The following KCNIP4 variants were observed in gnomAD, a reference collection of about 807,000 sequenced individuals.
The protein encoded by KCNIP4 is potassium voltage-gated channel interacting protein 4.
Under a neutral mutation model 34.0 loss-of-function variants are expected in KCNIP4, and 12 were observed. That is an observed-to-expected ratio of 0.35 (90% CI 0.23 to 0.57). The LOEUF (loss-of-function observed/expected upper bound fraction) is 0.57. KCNIP4 is among the 20% of genes least tolerant of loss of function. The pLI is 0.83. For synonymous variants in KCNIP4, 124 were observed against 102.2 expected, an observed-to-expected ratio of 1.21 and a Z score of -1.29; for missense variants, 238 against 311.7, an observed-to-expected ratio of 0.76 and a Z score of 1.78.
At chr4:21,777,708 T>G (rs1719275730) in intron 1 of KCNIP4, among the ~76,000 whole-genome samples, 1 of 152,184 alleles carries the variant, frequency 6.6e-6, no homozygotes, top group Admixed American at 6.5e-5. Context: ...TATAGGCAAA[T>G]AAATATATAC....
intron 4 of KCNIP4, among the ~76,000 whole-genome samples, chr4:20,753,807 A>T: frequency 6.6e-6 from 1 of 152,312 alleles, no homozygotes; most frequent in Admixed American, 6.5e-5. Flanking sequence ...ATTTTATTTT[A>T]ATCTTTATGT....
intron 1 of KCNIP4, among the ~76,000 whole-genome samples, chr4:21,862,607 A>G (rs1051041365): frequency 6.6e-6 from 1 of 152,202 alleles, no homozygotes; most frequent in Non-Finnish European, 1.5e-5. Flanking sequence ...GAAGGGCTGT[A>G]TTTGTCTTGA....
Position 21,344,761 on chromosome 4 carries a change from T to C in KCNIP4, c.62-462052A>G, listed in dbSNP as rs76343577. ...GAAAAGGAAATTAAAGTAACAATATTGATTACTGTTGTTATTTTTAAAGGT... is the reference window on the plus strand; with the variant it reads ...GAAAAGGAAATTAAAGTAACAATATCGATTACTGTTGTTATTTTTAAAGGT... On this transcript the variant is annotated intron_variant, in intron 1 of 8. Coordinates refer to ENST00000382152, the MANE Select transcript of KCNIP4 (RefSeq NM_025221.6). Among the ~76,000 whole-genome samples, 440 of 152,248 alleles carry C rather than the reference T, an allele frequency of 2.9e-3. 2 individuals carry two copies. Among genetic ancestry groups the C allele is most frequent in the African/African-American group, 9.7e-3 (405 of 41,550 alleles).
At chr4:21,355,494 C>T (rs1718491502) in intron 1 of KCNIP4, among the ~76,000 whole-genome samples, 1 of 152,108 alleles carries the variant, frequency 6.6e-6, no homozygotes, top group Non-Finnish European at 1.5e-5. Flanking sequence ...CACAGAAATA[C>T]AAAATACCAT....
intron 1 of KCNIP4, among the ~76,000 whole-genome samples, chr4:21,772,377 G>A (rs1038808530): frequency 6.6e-6 from 1 of 151,984 alleles, no homozygotes; most frequent in African/African-American, 2.4e-5. Flanking sequence ...ATATTTGCCT[G>A]ATGTTTTCTT....
intron 1 of KCNIP4, among the ~76,000 whole-genome samples, chr4:21,503,461 A>T (rs1409664539): frequency 6.6e-6 from 1 of 152,192 alleles, no homozygotes; most frequent in Non-Finnish European, 1.5e-5. Flanking sequence ...AGCAATTTCA[A>T]CTGTAATAAG....
intron 8 of KCNIP4, chr4:20,731,639 C>T: frequency 4.1e-6 from 4 of 985,224 alleles, no homozygotes; most frequent in Non-Finnish European, 4.8e-6. Flanking sequence ...TCTAGGAATT[C>T]TAATGCTGTG....
At chr4:21,234,681 A>G (rs1165836507) in intron 1 of KCNIP4, among the ~76,000 whole-genome samples, 1 of 149,456 alleles carries the variant, frequency 6.7e-6, no homozygotes, top group Non-Finnish European at 1.5e-5. Flanking sequence ...TCAGACCCTC[A>G]CTGTCACCCA....
At chr4:21,668,033 A>G (rs1335767795) in intron 1 of KCNIP4, among the ~76,000 whole-genome samples, 2 of 152,252 alleles carry the variant, frequency 1.3e-5, no homozygotes, top group Non-Finnish European at 2.9e-5. Context: ...TATATATACC[A>G]TGGAATACTA....
At chr4:20,811,323 T>A (rs1434786289) in intron 3 of KCNIP4, among the ~76,000 whole-genome samples, 1 of 152,184 alleles carries the variant, frequency 6.6e-6, no homozygotes, top group Non-Finnish European at 1.5e-5. Flanking sequence ...CAAACTTCAG[T>A]GTGTATTTAG....
chr4:21,655,306 A>T (rs1313417346), intron 1 of KCNIP4, among the ~76,000 whole-genome samples: 2 of 152,108 alleles, frequency 1.3e-5, no homozygotes, highest in African/African-American at 2.4e-5. Context: ...AATGCAAGCC[A>T]AAGAACTAAT....
chr4:21,118,668 G>A (rs1386937295), intron 1 of KCNIP4, among the ~76,000 whole-genome samples: 4 of 152,132 alleles, frequency 2.6e-5, no homozygotes, highest in Non-Finnish European at 5.9e-5. Context: ...GTGGTGGGGG[G>A]TGGTGGTGCG....
intron 1 of KCNIP4, among the ~76,000 whole-genome samples, chr4:21,329,908 C>A (rs1172358034): frequency 6.6e-6 from 1 of 152,034 alleles, no homozygotes; most frequent in Non-Finnish European, 1.5e-5. Context: ...TCAGGTCTAC[C>A]AGCTTGTCAG....
At chr4:21,091,152 A>G (rs1452457520) in intron 1 of KCNIP4, among the ~76,000 whole-genome samples, 1 of 152,202 alleles carries the variant, frequency 6.6e-6, no homozygotes, top group African/African-American at 2.4e-5. Flanking sequence ...ATAAAAATAT[A>G]TATTTGCCCA....
At chr4:21,743,363 T>C (rs1032042433) in intron 1 of KCNIP4, among the ~76,000 whole-genome samples, 5 of 151,410 alleles carry the variant, frequency 3.3e-5, no homozygotes, top group African/African-American at 1.2e-4. Flanking sequence ...TCTGGTATAG[T>C]CTTCATCACA....
Position 20,850,594 on chromosome 4 carries a change from C to A in KCNIP4, c.237G>T (p.Gln79His). The change falls in exon 3 of 9, where the codon CAG becomes CAT. Residue 79 changes from glutamine (Q) to histidine (H), a missense_variant. Transcript: ENST00000382152. ...RPEALELLEA[Q>H]SKFTKKELQI... ...GAAGCTCTTTCTTGGTAAATTTGCT[C>A]TGGGCTTCCAGAAGCTCAAGGGCTT... 6.2e-7 allele frequency: 1 copy of A among 1,612,910 alleles called. No individual in the cohort carries two copies. The highest frequency in any genetic ancestry group is 8.5e-7 in the Non-Finnish European group (1 of 1,179,732).
chr4:21,281,005 T>C (rs550478627), intron 1 of KCNIP4, among the ~76,000 whole-genome samples: 2 of 152,064 alleles, frequency 1.3e-5, no homozygotes, highest in Admixed American at 1.3e-4. Context: ...AGCTATCACG[T>C]CCTCAATTCT....
intron 1 of KCNIP4, among the ~76,000 whole-genome samples, chr4:20,962,815 T>A (rs919044325): frequency 6.6e-6 from 1 of 152,182 alleles, no homozygotes; most frequent in Non-Finnish European, 1.5e-5. Context: ...TTTACGACAT[T>A]TAAATTGTGA....
chr4:20,929,969 C>G (rs970211315), intron 1 of KCNIP4, among the ~76,000 whole-genome samples: 2 of 151,852 alleles, frequency 1.3e-5, no homozygotes, highest in African/African-American at 4.8e-5. Context: ...AAATTCAATG[C>G]AATTTCTATC....
Sources: allele counts gnomAD v4.1 joint callset (sites outside exome capture counted in the v4.1 genomes callset), GRCh38; gene constraint gnomAD v4.1.1; transcripts MANE v1.5; gene names NCBI Gene and HGNC (gene_info 2026-07-23, HGNC 2026-07-21).